Variants in NBPF20 observed in about 807,000 individuals in gnomAD.
The protein encoded by NBPF20 is NBPF family member NBPF20.
Under a neutral mutation model 68.1 loss-of-function variants are expected in NBPF20, and 90 were observed. The ratio of observed to expected loss-of-function variants is 1.32; its 90% CI spans 1.11 to 1.58. NBPF20 has a LOEUF of 1.58. Ranked by LOEUF, NBPF20 falls within the 40% of genes most tolerant of loss-of-function variation. NBPF20 has a pLI of 0.00. For synonymous variants in NBPF20, 290 were observed against 228.1 expected, an observed-to-expected ratio of 1.27 and a Z score of -2.45; for missense variants, 816 against 601.2, an observed-to-expected ratio of 1.36 and a Z score of -3.74.
At position 145,405,475 on chromosome 1, in the gene NBPF20, A is replaced by G. The variant is rs1662736510; in HGVS notation, c.-101T>C. 8 of 1,537,160 alleles carry G rather than the reference A, an allele frequency of 5.2e-6. No homozygotes were observed. In the South Asian group the frequency reaches 8.3e-5, roughly 16 times the overall value. On this transcript the variant is annotated 5_prime_UTR_variant, in exon 1 of 138. Transcript: ENST00000369373. ...TCCTTCACCACAAAAACAAGGTTCAAGGTGCCTCAACTCAGAGCTGAAAGC... is the reference window on the plus strand; with the variant it reads ...TCCTTCACCACAAAAACAAGGTTCAGGGTGCCTCAACTCAGAGCTGAAAGC...
At chr1:145,410,183 G>A (rs1662953277), upstream of NBPF20, among the ~76,000 whole-genome samples, 1 of 151,950 alleles carries the variant, frequency 6.6e-6, no homozygotes, top group South Asian at 2.1e-4. Context: ...ACCAACAGGT[G>A]CTATTTTCAG....
intron 3 of NBPF20, 87 bp downstream of exon 8, chr1:145,403,129 C>G (rs1662605471): frequency 2.0e-6 from 3 of 1,499,586 alleles, no homozygotes; most frequent in Non-Finnish European, 2.8e-6. Flanking sequence ...CCTGGCCCAG[C>G]TTAGCTCTTA....
At chr1:145,291,900 A>G in intron 137 of NBPF20, 131 bp from the exon 143 acceptor site, 2 of 1,567,144 alleles carry the variant, frequency 1.3e-6, no homozygotes, top group South Asian at 2.4e-5. Flanking sequence ...GAGGTAAAAA[A>G]AAAATTTATT....
At chr1:145,372,447 C>G (rs1375877959) in intron 36 of NBPF20, 65 bp downstream of exon 41, 3 of 325,478 alleles carry the variant, frequency 9.2e-6, no homozygotes, top group Non-Finnish European at 1.5e-5. Flanking sequence ...CCACTTGGAA[C>G]AGGAATATCA....
chr1:145,395,748 G>A (rs1343319975), intron 7 of NBPF20, among the ~76,000 whole-genome samples: 44 of 148,282 alleles, frequency 3.0e-4, no homozygotes, highest in Non-Finnish European at 5.7e-4. Flanking sequence ...CAACAGACCT[G>A]AAGCTGAGGG....
chr1:145,399,717 C>T (rs1180379332), intron 6 of NBPF20, among the ~76,000 whole-genome samples: 16 of 131,398 alleles, frequency 1.2e-4, no homozygotes, highest in Non-Finnish European at 2.2e-4. Flanking sequence ...GCAGAGGTTG[C>T]ACCAAGCCAA....
rs1662499190 is a variant in NBPF20 at position 145,401,053 on chromosome 1, T to A, written c.566+6A>T. The A allele has an allele frequency of 6.2e-7, 1 of 1,604,390 alleles. No homozygotes were observed. Among genetic ancestry groups the A allele is most frequent in the Admixed American group, 1.7e-5 (1 of 59,994 alleles). On this transcript the variant is annotated splice_donor_region_variant and intron_variant, in intron 5 of 137. Transcript: ENST00000369373. ...CCATTAATTGTTCCTGAGTATTCAG[T>A]GTTACCTGGGGGCAGACGATTTCTG...
At chr1:145,338,052 C>CAG (rs1294713901) in intron 79 of NBPF20, among the ~76,000 whole-genome samples, 2 of 78,558 alleles carry the variant, frequency 2.5e-5, no homozygotes, top group Non-Finnish European at 2.6e-5. Flanking sequence ...CACACACACA[C>CAG]AGAGAGAGAG....
At chr1:145,409,641 G>A (rs1436109848), upstream of NBPF20, among the ~76,000 whole-genome samples, 2 of 148,752 alleles carry the variant, frequency 1.3e-5, no homozygotes, top group Non-Finnish European at 3.0e-5. Context: ...GAGATCTGAA[G>A]GGACTCTCCA....
the NBPF20 span, among the ~76,000 whole-genome samples, chr1:145,410,576 G>C: frequency 1.3e-5 from 2 of 150,824 alleles, no homozygotes; most frequent in African/African-American, 4.9e-5. Flanking sequence ...GCCTCCCAAA[G>C]TGCTGGGATT....
intron 5 of NBPF20, 90 bp downstream of exon 10, chr1:145,400,969 T>C: frequency 1.3e-6 from 2 of 1,525,604 alleles, no homozygotes; most frequent in Non-Finnish European, 1.8e-6. Flanking sequence ...TGTGGGTTTT[T>C]GGCCGATCAT....
chr1:145,403,603 G>A (rs1662629716), intron 2 of NBPF20, among the ~76,000 whole-genome samples: 1 of 152,170 alleles, frequency 6.6e-6, no homozygotes, highest in South Asian at 2.1e-4. Context: ...CGTGAGGTCT[G>A]ACTCTGAATG....
the NBPF20 span, among the ~76,000 whole-genome samples, chr1:145,410,738 G>A: frequency 0.05 from 6,743 of 134,570 alleles, 572 homozygotes; most frequent in African/African-American, 0.18. Flanking sequence ...GCCTGTCTGT[G>A]TATATATATA....
chr1:145,295,994 T>A, intron 132 of NBPF20: 1 of 163,122 alleles, frequency 6.1e-6, no homozygotes, highest in Non-Finnish European at 1.0e-5. Flanking sequence ...ATCGAGGATT[T>A]TAGACGCTGA....
At chr1:145,400,590 T>C (rs1662476247) in exon 6 of NBPF20, 12 of 1,611,790 alleles carry the variant, frequency 7.4e-6, no homozygotes, top group East Asian at 4.5e-5. Context: ...GCCTTCTGCA[T>C]CTCCCTGATG....
At chr1:145,394,084 G>T in intron 8 of NBPF20, 149 bp from the exon 14 acceptor site, 2 of 636,016 alleles carry the variant, frequency 3.1e-6, no homozygotes, top group Non-Finnish European at 5.6e-6. Flanking sequence ...TAGGCCTGAG[G>T]TCAAGTCTTG....
At chr1:145,399,904 A>C (rs2101567930) in intron 6 of NBPF20, among the ~76,000 whole-genome samples, 1 of 151,776 alleles carries the variant, frequency 6.6e-6, no homozygotes, top group South Asian at 2.1e-4. Context: ...GTAAAGAAGA[A>C]AAGTTTCTGT....
intron 7 of NBPF20, among the ~76,000 whole-genome samples, chr1:145,395,889 GT>G (rs1327992949): frequency 4.1e-5 from 6 of 146,282 alleles, no homozygotes; most frequent in Non-Finnish European, 5.9e-5. Context: ...AACCACAAAG[GT>G]GGGGAGAAAC....
At chr1:145,291,919 G>A (rs1196489680) in intron 137 of NBPF20, 150 bp from the exon 143 acceptor site, 9 of 1,514,620 alleles carry the variant, frequency 5.9e-6, no homozygotes, top group Admixed American at 4.1e-5. Flanking sequence ...TTGCCTATAT[G>A]TTGGGATAGA....
Sources: gnomAD v4.1 joint callset for allele counts (sites outside exome capture counted in the v4.1 genomes callset) on GRCh38, gnomAD v4.1.1 for gene constraint, MANE v1.5 for transcripts, NCBI Gene and HGNC (gene_info 2026-07-23, HGNC 2026-07-21) for gene names.